Variants in NGFR observed in about 807,000 individuals in gnomAD.
The protein encoded by NGFR is nerve growth factor receptor.
NGFR carries 30 observed loss-of-function variants against 43.2 expected under a neutral mutation model. The observed-to-expected ratio is 0.69, with a 90% CI of 0.52 to 0.94. NGFR has a LOEUF of 0.94. Ranked by LOEUF, NGFR falls within the 40% of genes least tolerant of loss-of-function variation. The pLI is 0.00. For missense variants in NGFR, 529 were observed against 602.5 expected, an observed-to-expected ratio of 0.88 and a Z score of 1.28; for synonymous variants, 246 against 259.6, an observed-to-expected ratio of 0.95 and a Z score of 0.50.
At chr17:49,497,908 G>A (rs1431126239) in intron 1 of NGFR, 1 of 152,342 alleles carries the variant, frequency 6.6e-6, no homozygotes. Flanking sequence ...TGGCTCAAGC[G>A]CCTCGCTTCT....
chr17:49,507,967 A>G (rs1212464739), intron 3 of NGFR, among the ~76,000 whole-genome samples: 1 of 152,168 alleles, frequency 6.6e-6, no homozygotes, highest in African/African-American at 2.4e-5. Flanking sequence ...CTCCAGTCTG[A>G]TAGGGGCTCC....
intron 1 of NGFR, chr17:49,497,658 G>A (rs1321847305): frequency 6.6e-6 from 1 of 152,352 alleles, no homozygotes; most frequent in Non-Finnish European, 1.5e-5. Flanking sequence ...CGGTGAGAGA[G>A]AGAGGGCTGA....
intron 3 of NGFR, 26 bp downstream of exon 3, chr17:49,506,684 G>A (rs1022026107): frequency 4.4e-6 from 5 of 1,133,674 alleles, no homozygotes; most frequent in Admixed American, 5.8e-5. Flanking sequence ...GGGGCGGGGG[G>A]AGTGGGGGTG....
rs1264875689 is a variant in NGFR at position 49,512,948 on chromosome 17, T to C, written c.1223T>C (p.Ile408Thr). 3 of 1,609,972 alleles carry C rather than the reference T, an allele frequency of 1.9e-6. No homozygotes were observed. Among genetic ancestry groups the C allele is most frequent in the Non-Finnish European group, 2.5e-6 (3 of 1,178,378 alleles). ...GCCCTCCTGGCCGCCCTGCGCCGCA[T>C]CCAGCGAGCCGACCTCGTGGAGAGT... The part of the protein sequence containing the change: ...LDALLAALRR[I>T]QRADLVESLC... Residue 408 changes from isoleucine to threonine, a missense_variant, in exon 6 of 6, where the codon ATC (isoleucine) becomes ACC (threonine). Physicochemically the swap from Ile to Thr is moderately conservative, Grantham distance 89. Transcript: ENST00000172229. The surrounding 1 kb of genome is among the most constrained non-coding windows in gnomAD (Gnocchi z 5.2).
rs568990548 is a variant in NGFR, at chr17:49,513,370, C to A, written c.*361C>A. 1 of 264,056 alleles carries A rather than the reference C, an allele frequency of 3.8e-6. No homozygotes were observed. The highest frequency in any genetic ancestry group is 8.6e-5 in the South Asian group (1 of 11,584). The allele number at this position is 264,056 out of a possible 1,614,324, so 16.4% of individuals were successfully genotyped here. ...TGGGGGGCCAACACCAGGGATGGTA[C>A]TAGGGGGAAGTGACAAGGCCCCAGA... On this transcript the variant is annotated 3_prime_UTR_variant, in exon 6 of 6. Coordinates refer to ENST00000172229, the MANE Select transcript of NGFR (RefSeq NM_002507.4).
Position 49,512,748 on chromosome 17 carries a change from A to G in NGFR, c.1023A>G (p.Pro341=). ...GAGGCCTCTACAGCAGCCTGCCCCC[A>G]GCCAAGCGGGAGGAGGTGGAGAAGC... ...GDGGLYSSLP[P]AKREEVEKLL... is the part of the protein sequence containing the mutation. Residue 341 remains proline, a synonymous_variant, in exon 6 of 6, where the codon CCA becomes CCG. Transcript: ENST00000172229. The surrounding 1 kb of genome is among the most constrained non-coding windows in gnomAD (Gnocchi z 5.2). 2.5e-6 allele frequency: 4 copies of G among 1,612,318 alleles called. No individual in the cohort carries two copies. The highest frequency in any genetic ancestry group is 3.4e-6 in the Non-Finnish European group (4 of 1,179,496).
rs972485860 is a variant in NGFR at position 49,511,767 on chromosome 17, G to A, written c.822-125G>A. 6 of 1,130,118 alleles carry A rather than the reference G, an allele frequency of 5.3e-6. No homozygotes were observed. In the African/African-American group the frequency reaches 9.6e-5, roughly 18 times the overall value. 70.0% of individuals were successfully genotyped at this position (1,130,118 alleles called of 1,614,324 possible). On this transcript the variant is annotated intron_variant, in intron 4 of 5. Coordinates refer to ENST00000172229, the MANE Select transcript of NGFR (RefSeq NM_002507.4). ...GTGCAAAGAGGAGCCTTAGATGGTG[G>A]GGTGGCGGTTATAATTGGGCACCCG... is the stretch of plus-strand genomic sequence containing the variant.
intron 3 of NGFR, among the ~76,000 whole-genome samples, chr17:49,507,995 C>T (rs377530068): frequency 6.6e-6 from 1 of 152,252 alleles, no homozygotes; most frequent in African/African-American, 2.4e-5. Context: ...ACCTGCCTTC[C>T]AAGTCCTGCC....
At chr17:49,499,631 AG>A (rs1381605002) in intron 1 of NGFR, among the ~76,000 whole-genome samples, 5 of 152,124 alleles carry the variant, frequency 3.3e-5, no homozygotes, top group Non-Finnish European at 7.4e-5. Context: ...TCTGCCACCC[AG>A]GCTGGAGTGC....
chr17:49,505,944 T>G, intron 2 of NGFR: 1 of 244,718 alleles, frequency 4.1e-6, no homozygotes, highest in Non-Finnish European at 7.7e-6. Context: ...GGGAACCACG[T>G]TCAGATTATT....
chr17:49,500,223 T>C (rs1466084914), intron 1 of NGFR, among the ~76,000 whole-genome samples: 1 of 152,048 alleles, frequency 6.6e-6, no homozygotes, highest in Non-Finnish European at 1.5e-5. Context: ...CAGGGAAGGG[T>C]GCAGCCACCA....
intron 3 of NGFR, among the ~76,000 whole-genome samples, chr17:49,508,948 T>C (rs1597863240): frequency 6.6e-6 from 1 of 152,322 alleles, no homozygotes; most frequent in Non-Finnish European, 1.5e-5. Flanking sequence ...AGCTGAGCTG[T>C]GTCTCCAGCC....
intron 2 of NGFR, among the ~76,000 whole-genome samples, chr17:49,503,683 G>A (rs72837243): frequency 0.015 from 2,355 of 152,300 alleles, 18 homozygotes; most frequent in Non-Finnish European, 0.026. Context: ...CTGGGCGTAT[G>A]TGTGGAGGTG....
intron 1 of NGFR, among the ~76,000 whole-genome samples, chr17:49,500,750 C>A (rs1227618996): frequency 6.6e-6 from 1 of 152,210 alleles, no homozygotes; most frequent in East Asian, 1.9e-4. Context: ...GGTTCCACCT[C>A]CTCTGTTGCC....
At chr17:49,502,825 TTC>T (rs2071175128) in intron 2 of NGFR, among the ~76,000 whole-genome samples, 2 of 126,504 alleles carry the variant, frequency 1.6e-5, no homozygotes, top group Non-Finnish European at 3.6e-5. Context: ...TCTTCCTTCC[TTC>T]CTTCCTTCCT....
intron 1 of NGFR, 65 bp from the exon 2 acceptor site, chr17:49,501,998 G>GT: frequency 2.0e-6 from 1 of 508,524 alleles, no homozygotes; most frequent in Non-Finnish European, 3.6e-6. Context: ...TTCCCCGGAA[G>GT]AACCCCCCCC....
At chr17:49,505,368 T>C (rs113744139) in intron 2 of NGFR, among the ~76,000 whole-genome samples, 1,742 of 152,144 alleles carry the variant, frequency 0.011, 40 homozygotes, top group African/African-American at 0.038. Flanking sequence ...TGGCACAGAG[T>C]TCCCCACCCA....
intron 2 of NGFR, 149 bp downstream of exon 2, chr17:49,502,353 AG>A: frequency 1.2e-6 from 1 of 830,654 alleles, no homozygotes; most frequent in Non-Finnish European, 1.7e-6. Context: ...GACCCAGTGT[AG>A]GAGGCGCTTC....
At chr17:49,509,311 G>T (rs2071217703) in intron 3 of NGFR, among the ~76,000 whole-genome samples, 1 of 152,176 alleles carries the variant, frequency 6.6e-6, no homozygotes, top group South Asian at 2.1e-4. Context: ...GCAGAGCTGG[G>T]AGCCAGTTAC....
Sources: gnomAD v4.1 joint callset for allele counts (sites outside exome capture counted in the v4.1 genomes callset) on GRCh38, gnomAD v4.1.1 for gene constraint, Gnocchi (gnomAD v3.1) non-coding constraint, MANE v1.5 for transcripts, NCBI Gene and HGNC (gene_info 2026-07-23, HGNC 2026-07-21) for gene names.